Variants in HERC5 observed in about 807,000 individuals in gnomAD.
The protein encoded by HERC5 is E3 ISG15--protein ligase HERC5.
HERC5 carries 99 observed loss-of-function variants against 119.6 expected under a neutral mutation model. That is an observed-to-expected ratio of 0.83 (90% CI 0.70 to 0.98). HERC5 has a LOEUF of 0.98. Ranked by LOEUF, HERC5 falls within the 50% of genes least tolerant of loss-of-function variation. The pLI is 0.00. For missense variants in HERC5, 1,267 were observed against 1,241.3 expected, an observed-to-expected ratio of 1.02 and a Z score of -0.31; for synonymous variants, 478 against 445.9, an observed-to-expected ratio of 1.07 and a Z score of -0.91.
intron 12 of HERC5, among the ~76,000 whole-genome samples, chr4:88,477,027 CTCT>C (rs1259010059): frequency 3.5e-5 from 5 of 144,804 alleles, no homozygotes; most frequent in East Asian, 2.0e-4. Context: ...ATTCAAATTT[CTCT>C]TCTTTTCCCA....
Position 88,463,968 on chromosome 4 carries a change from T to C in HERC5, c.894T>C (p.Thr298=). 4 of 1,613,258 alleles carry C rather than the reference T, an allele frequency of 2.5e-6. No homozygotes were observed. The highest frequency in any genetic ancestry group is 2.5e-6 in the Non-Finnish European group (3 of 1,179,670). Residue 298 remains threonine (T), a synonymous_variant, in exon 6 of 23, where the codon ACT becomes ACC. Coordinates refer to ENST00000264350, the MANE Select transcript of HERC5 (RefSeq NM_016323.4). ...CTGAGCTTGTTGGGTATAGAGTGAC[T>C]CAGATAGCATGTGGAAGGTAAGTTG... ...LVAELVGYRV[T]QIACGRWHTL...
intron 19 of HERC5, among the ~76,000 whole-genome samples, chr4:88,500,351 A>G (rs1038993276): frequency 6.6e-6 from 1 of 152,228 alleles, no homozygotes; most frequent in Admixed American, 6.5e-5. Context: ...TTCATTCTCC[A>G]ATAGGCTAGC....
chr4:88,488,447 G>T (rs551879096), intron 15 of HERC5, among the ~76,000 whole-genome samples: 2 of 151,958 alleles, frequency 1.3e-5, no homozygotes, highest in Non-Finnish European at 2.9e-5. Flanking sequence ...GGCCAGGCTG[G>T]TCTCAAACTC....
intron 10 of HERC5, 143 bp downstream of exon 10, chr4:88,470,816 G>A (rs907315727): frequency 4.7e-6 from 2 of 429,582 alleles, no homozygotes; most frequent in African/African-American, 2.0e-5. Flanking sequence ...TATGTTTGCT[G>A]TAGAAAATGT....
At position 88,457,440 on chromosome 4, in the gene HERC5, C is replaced by T. The variant is rs1167677540; in HGVS notation, c.171C>T (p.Cys57=). 6 of 1,353,324 alleles carry T rather than the reference C, an allele frequency of 4.4e-6. No individual in the cohort carries two copies. Among genetic ancestry groups the T allele is most frequent in the Admixed American group, 3.5e-5 (1 of 28,858 alleles). The allele number at this position is 1,353,324 out of a possible 1,614,324, so 83.8% of individuals were successfully genotyped here. A position where few individuals can be genotyped will look rare whatever the true frequency, so the allele number is the denominator to read the frequency against. Residue 57 remains cysteine (C), a synonymous_variant, in exon 1 of 23, where the codon TGC becomes TGT. Coordinates refer to ENST00000264350, the MANE Select transcript of HERC5 (RefSeq NM_016323.4). ...LRRVEVTRQL[C]CSPGRLAVLE... ...GGGTGGAGGTGACGCGCCAACTCTG[C>T]TGCTCGCCGGGGCGCCTCGCGGTCT... is the stretch of plus-strand genomic sequence containing the variant.
At chr4:88,487,542 G>A (rs1741508977) in intron 15 of HERC5, among the ~76,000 whole-genome samples, 1 of 152,162 alleles carries the variant, frequency 6.6e-6, no homozygotes, top group African/African-American at 2.4e-5. Context: ...ACCTATGTAA[G>A]GAGGCACAAT....
intron 4 of HERC5, among the ~76,000 whole-genome samples, chr4:88,462,777 A>G (rs1337436464): frequency 6.6e-6 from 1 of 152,238 alleles, no homozygotes; most frequent in Non-Finnish European, 1.5e-5. Context: ...TACTAAAATT[A>G]TATTTAAGAA....
chr4:88,503,646 A>G (rs1742012285), intron 20 of HERC5, among the ~76,000 whole-genome samples: 1 of 152,328 alleles, frequency 6.6e-6, no homozygotes, highest in Middle Eastern at 3.4e-3. Flanking sequence ...TGATTTTAGT[A>G]TAGTTACACC....
At chr4:88,502,143 C>T (rs1741967076) in intron 20 of HERC5, among the ~76,000 whole-genome samples, 1 of 152,062 alleles carries the variant, frequency 6.6e-6, no homozygotes, top group Admixed American at 6.5e-5. Context: ...AAGTTTTGGA[C>T]TATTATGAAT....
chr4:88,498,845 A>G (rs1348712817), intron 18 of HERC5, among the ~76,000 whole-genome samples: 1 of 152,258 alleles, frequency 6.6e-6, no homozygotes, highest in Admixed American at 6.5e-5. Flanking sequence ...TGCTGGGATT[A>G]CAGGCGTGAG....
chr4:88,479,309 T>G, intron 12 of HERC5, 44 bp from the exon 13 acceptor site: 2 of 1,003,930 alleles, frequency 2.0e-6, no homozygotes, highest in South Asian at 1.9e-5. Flanking sequence ...AAAAGCACAA[T>G]AAAACTCATT....
intron 11 of HERC5, among the ~76,000 whole-genome samples, chr4:88,474,341 CGT>C (rs1393531506): frequency 6.6e-6 from 1 of 152,154 alleles, no homozygotes; most frequent in Non-Finnish European, 1.5e-5. Context: ...CAGGTGCTCA[CGT>C]GGAAGGATAT....
At chr4:88,470,277 T>C (rs952242872) in intron 9 of HERC5, among the ~76,000 whole-genome samples, 2 of 152,340 alleles carry the variant, frequency 1.3e-5, no homozygotes, top group African/African-American at 2.4e-5. Context: ...GGAATAGAAA[T>C]AAATAGGACT....
chr4:88,470,233 C>T (rs1019355808), intron 9 of HERC5, among the ~76,000 whole-genome samples: 1 of 152,156 alleles, frequency 6.6e-6, no homozygotes, highest in African/African-American at 2.4e-5. Context: ...CTCCTTCCCC[C>T]ATTTAATTTC....
intron 10 of HERC5, among the ~76,000 whole-genome samples, chr4:88,471,343 A>ATT (rs879833126): frequency 1.4e-5 from 2 of 143,790 alleles, no homozygotes; most frequent in South Asian, 4.4e-4. Context: ...TTTTTTGGTA[A>ATT]TTTTTTTTTT....
In HERC5 at chr4:88,457,497, C is replaced by A; in HGVS notation, c.228C>A (p.His76Gln). The change falls in exon 1 of 23, where the codon CAC (histidine) becomes CAA (glutamine). Residue 76 changes from histidine to glutamine, a missense_variant. By Grantham distance (24) the His-to-Gln change is conservative. Coordinates refer to ENST00000264350, the MANE Select transcript of HERC5 (RefSeq NM_016323.4). ...LERGGAGVQVHQLLAGSGGAR... is the reference protein window; with the variant it reads ...LERGGAGVQVQQLLAGSGGAR... ...GCGGCGGGGCGGGCGTCCAGGTTCA[C>A]CAGCTGCTCGCCGGGAGCGGCGGCG... 7.6e-7 allele frequency: 1 copy of A among 1,315,688 alleles called. No homozygotes were observed. Among genetic ancestry groups the A allele is most frequent in the Non-Finnish European group, 9.7e-7 (1 of 1,033,484 alleles). 81.5% of individuals were successfully genotyped at this position (1,315,688 alleles called of 1,614,324 possible). A position where few individuals can be genotyped will look rare whatever the true frequency, so the allele number is the denominator to read the frequency against.
intron 3 of HERC5, 100 bp downstream of exon 3, chr4:88,460,271 TAC>T (rs1740380136): frequency 1.8e-6 from 1 of 563,988 alleles, no homozygotes; most frequent in African/African-American, 2.0e-5. Flanking sequence ...AGGACAGAAA[TAC>T]AGTTTTGAAT....
intron 1 of HERC5, 52 bp downstream of exon 1, chr4:88,457,586 G>A (rs1740206981): frequency 8.1e-7 from 1 of 1,232,372 alleles, no homozygotes; most frequent in East Asian, 3.2e-5. Flanking sequence ...GGTGAGGGCT[G>A]AGGGCTGTGA....
intron 4 of HERC5, 57 bp from the exon 5 acceptor site, chr4:88,463,475 C>A: frequency 1.7e-6 from 2 of 1,151,102 alleles, no homozygotes; most frequent in South Asian, 1.3e-5. Flanking sequence ...CAGGTAACTC[C>A]ACTGTGAAAC....
Sources: gnomAD v4.1 joint callset for allele counts (sites outside exome capture counted in the v4.1 genomes callset) on GRCh38, gnomAD v4.1.1 for gene constraint, MANE v1.5 for transcripts, NCBI Gene and HGNC (gene_info 2026-07-23, HGNC 2026-07-21) for gene names.